SAMD5: variants seen among roughly 807,000 people sequenced by gnomAD.
SAMD5 encodes sterile alpha motif domain-containing protein 5.
Under a neutral mutation model 11.3 loss-of-function variants are expected in SAMD5, and 13 were observed. The observed-to-expected ratio is 1.15, with a 90% confidence interval of 0.75 to 1.83. The LOEUF (loss-of-function observed/expected upper bound fraction) is 1.83, where lower values mean the gene tolerates loss of function less well. SAMD5 is among the 40% of genes most tolerant of loss of function. The pLI is 0.00. For synonymous variants in SAMD5, 129 were observed against 111.3 expected, an observed-to-expected ratio of 1.16 and a Z score of -1.00; for missense variants, 255 against 239.1, an observed-to-expected ratio of 1.07 and a Z score of -0.44.
At chr6:147,584,603 C>T (rs893555163) in intron 1 of SAMD5, among the ~76,000 whole-genome samples, 9 of 152,238 alleles carry the variant, frequency 5.9e-5, no homozygotes, top group East Asian at 5.8e-4. Flanking sequence ...AATGAGGATC[C>T]GAGACAGTGC....
At chr6:147,694,212 A>G (rs534456823) in intron 1 of SAMD5, among the ~76,000 whole-genome samples, 1 of 152,240 alleles carries the variant, frequency 6.6e-6, no homozygotes, top group South Asian at 2.1e-4. Context: ...GTGGGATAAC[A>G]TTTTAGAAGT....
intron 1 of SAMD5, among the ~76,000 whole-genome samples, chr6:147,617,283 G>A (rs1013791569): frequency 2.6e-5 from 4 of 152,158 alleles, no homozygotes; most frequent in African/African-American, 9.7e-5. Flanking sequence ...GCAGGTGAGA[G>A]ACACTCAGGA....
rs118051894 is a variant in SAMD5, at chr6:147,514,532, C to T, written c.459+5145C>T. On this transcript the variant is annotated intron_variant, in intron 1 of 1. Transcript: ENST00000367474. The stretch of plus-strand genomic sequence containing the variant: ...AAGGTACGCTCACCATTCACATATT[C>T]GTGCTGTAGGTTACAGGTTGTGCTG... Among the ~76,000 whole-genome samples, 70 of 152,038 alleles carry T rather than the reference C, an allele frequency of 4.6e-4. 1 individual carries two copies. In the East Asian group the frequency reaches 0.01, roughly 22 times the overall value.
At chr6:147,921,357 G>T in the SAMD5 span, among the ~76,000 whole-genome samples, 12 of 151,132 alleles carry the variant, frequency 7.9e-5, no homozygotes, top group African/African-American at 2.9e-4. Flanking sequence ...CTTACCAAAG[G>T]AGAGCCAAGG....
the SAMD5 span, among the ~76,000 whole-genome samples, chr6:147,801,784 G>C: frequency 1.3e-5 from 2 of 152,116 alleles, no homozygotes. Context: ...GAACAGAGTA[G>C]AGAGTACAGA....
the SAMD5 span, among the ~76,000 whole-genome samples, chr6:147,745,796 T>G: frequency 7.2e-6 from 1 of 139,194 alleles, no homozygotes; most frequent in Middle Eastern, 3.7e-3. Flanking sequence ...TTTTTTTTTT[T>G]GAAACAGGAT....
At position 147,567,904 on chromosome 6, in the gene SAMD5, G is replaced by C; in HGVS notation, c.*3448G>C. ...CAATAACACTCCATCCTGGGCAACA[G>C]AGCAAGATCCCGTCTCAAAACAAAA... On this transcript the variant is annotated 3_prime_UTR_variant, in exon 2 of 2. Transcript: ENST00000367474. 2 of 986,062 alleles carry C rather than the reference G, an allele frequency of 2.0e-6. No individual in the cohort carries two copies. Among genetic ancestry groups the C allele is most frequent in the Non-Finnish European group, 2.4e-6 (2 of 830,490 alleles). The allele number at this position is 986,062 out of a possible 1,614,324, so 61.1% of individuals were successfully genotyped here.
intron 1 of SAMD5, among the ~76,000 whole-genome samples, chr6:147,653,357 A>G (rs781166676): frequency 6.6e-6 from 1 of 152,236 alleles, no homozygotes; most frequent in Non-Finnish European, 1.5e-5. Context: ...AATGGCAGCC[A>G]AAGACATTTT....
the SAMD5 span, among the ~76,000 whole-genome samples, chr6:147,780,500 A>G: frequency 6.6e-6 from 1 of 152,148 alleles, no homozygotes; most frequent in East Asian, 1.9e-4. Flanking sequence ...GAGCCACTGC[A>G]CCGGGCCTAT....
intron 1 of SAMD5, among the ~76,000 whole-genome samples, chr6:147,645,609 T>C (rs1250104638): frequency 6.6e-6 from 1 of 152,214 alleles, no homozygotes; most frequent in African/African-American, 2.4e-5. Flanking sequence ...GTGAATACTT[T>C]TCATCTCAAA....
intron 1 of SAMD5, among the ~76,000 whole-genome samples, chr6:147,621,261 T>C (rs1658042979): frequency 6.6e-6 from 1 of 152,126 alleles, no homozygotes; most frequent in African/African-American, 2.4e-5. Flanking sequence ...TATGAAATAA[T>C]GAAACGTGAA....
the SAMD5 span, among the ~76,000 whole-genome samples, chr6:147,863,126 CA>C: frequency 6.6e-6 from 1 of 152,188 alleles, no homozygotes; most frequent in Non-Finnish European, 1.5e-5. Context: ...ATTCACTTGG[CA>C]GGATCCTTGT....
At chr6:147,534,372 CTAAA>C (rs1315738583) in intron 1 of SAMD5, among the ~76,000 whole-genome samples, 2 of 152,154 alleles carry the variant, frequency 1.3e-5, no homozygotes, top group African/African-American at 4.8e-5. Context: ...AGTACCTTGT[CTAAA>C]TGAATGGTTG....
chr6:147,798,924 G>A, the SAMD5 span, among the ~76,000 whole-genome samples: 4 of 152,058 alleles, frequency 2.6e-5, no homozygotes, highest in Non-Finnish European at 5.9e-5. Flanking sequence ...TTGCTTGGTA[G>A]ATCTTCCTCC....
chr6:147,737,576 A>G (rs1791822281), downstream of SAMD5: 1 of 198,856 alleles, frequency 5.0e-6, no homozygotes, highest in Admixed American at 5.5e-5. Flanking sequence ...TTCAGTACAT[A>G]TCCTTAGAAC....
rs565906328 is a variant in SAMD5, at chr6:147,727,932, G to T, written c.163-9385G>T. ...TGAAAACTGGTTAAATAGAAGTACAGAATCTAGCATTTCTCTTACCTTTTC... is the reference window on the plus strand; with the variant it reads ...TGAAAACTGGTTAAATAGAAGTACATAATCTAGCATTTCTCTTACCTTTTC... On this transcript the variant is annotated intron_variant, in intron 1 of 1. Coordinates refer to the SAMD5 transcript ENST00000566741. Among the ~76,000 whole-genome samples, 9 of 152,308 alleles carry T rather than the reference G, an allele frequency of 5.9e-5. 1 individual carries two copies. The South Asian group carries it at 1.9e-3, about 32-fold the overall frequency.
chr6:147,784,373 C>T, the SAMD5 span, among the ~76,000 whole-genome samples: 7 of 152,150 alleles, frequency 4.6e-5, no homozygotes, highest in Non-Finnish European at 8.8e-5. Flanking sequence ...TTTTCTAAAA[C>T]ACATGTGAAA....
chr6:147,560,107 G>A (rs945190516), intron 1 of SAMD5, among the ~76,000 whole-genome samples: 5 of 152,130 alleles, frequency 3.3e-5, no homozygotes, highest in African/African-American at 7.2e-5. Context: ...CGATTCAATC[G>A]GTCAGCAGTA....
At chr6:147,880,321 T>A in the SAMD5 span, among the ~76,000 whole-genome samples, 4 of 152,082 alleles carry the variant, frequency 2.6e-5, no homozygotes, top group African/African-American at 9.7e-5. Context: ...TTGCTCTTTC[T>A]CCCTCTCCTT....
Sources: allele counts gnomAD v4.1 joint callset (sites outside exome capture counted in the v4.1 genomes callset), GRCh38; gene constraint gnomAD v4.1.1; transcripts MANE v1.5; gene names NCBI Gene and HGNC (gene_info 2026-07-23, HGNC 2026-07-21).